GATAD2B: variants seen among roughly 807,000 people sequenced by gnomAD.
The protein encoded by GATAD2B is transcriptional repressor p66-beta.
GATAD2B carries 8 observed loss-of-function variants against 64.3 expected under a neutral mutation model. That is an observed-to-expected ratio of 0.12 (90% CI 0.07 to 0.22). GATAD2B has a LOEUF of 0.22. Ranked by LOEUF, GATAD2B falls within the 10% of genes least tolerant of loss-of-function variation. The probability of loss-of-function intolerance (pLI) is 1.00; values close to 1 mark genes in which losing one functional copy is unlikely to be tolerated. For missense variants in GATAD2B, 453 were observed against 752.0 expected, an observed-to-expected ratio of 0.60 and a Z score of 4.65; for synonymous variants, 281 against 271.3, an observed-to-expected ratio of 1.04 and a Z score of -0.35.
intron 1 of GATAD2B, among the ~76,000 whole-genome samples, chr1:153,883,542 C>A (rs984230433): frequency 6.6e-6 from 1 of 152,154 alleles, no homozygotes; most frequent in African/African-American, 2.4e-5. Flanking sequence ...TAGATTATTT[C>A]TTCTCATTCA....
At chr1:153,881,637 T>C (rs1208611819) in intron 1 of GATAD2B, among the ~76,000 whole-genome samples, 2 of 152,012 alleles carry the variant, frequency 1.3e-5, no homozygotes, top group African/African-American at 4.8e-5. Context: ...AAAATAAGGA[T>C]TGGGGAGGGC....
At chr1:153,896,073 T>A (rs2101955045) in intron 1 of GATAD2B, among the ~76,000 whole-genome samples, 1 of 151,202 alleles carries the variant, frequency 6.6e-6, no homozygotes, top group South Asian at 2.1e-4. Context: ...AGTGGGAGGA[T>A]CACTTGAGCC....
intron 1 of GATAD2B, among the ~76,000 whole-genome samples, chr1:153,851,286 ATTTTG>A (rs1263718153): frequency 6.6e-6 from 1 of 152,116 alleles, no homozygotes; most frequent in East Asian, 1.9e-4. Context: ...TCCTGATTTT[ATTTTG>A]GATAAATATC....
intron 1 of GATAD2B, among the ~76,000 whole-genome samples, chr1:153,844,994 C>G (rs1040451560): frequency 6.6e-6 from 1 of 151,424 alleles, no homozygotes; most frequent in Non-Finnish European, 1.5e-5. Flanking sequence ...CAGAAGAAAT[C>G]TATTTACCCA....
chr1:153,830,170 T>G (rs1675024425), intron 1 of GATAD2B, among the ~76,000 whole-genome samples: 1 of 152,168 alleles, frequency 6.6e-6, no homozygotes, highest in Non-Finnish European at 1.5e-5. Context: ...TTATTTGAGA[T>G]GGACTCTTGT....
intron 1 of GATAD2B, chr1:153,853,182 G>C: frequency 8.1e-7 from 1 of 1,231,862 alleles, no homozygotes; most frequent in Non-Finnish European, 1.2e-6. Flanking sequence ...ATTGGCAACT[G>C]CAATTTGCAG....
At chr1:153,859,306 G>A (rs1323691279) in intron 1 of GATAD2B, among the ~76,000 whole-genome samples, 1 of 151,516 alleles carries the variant, frequency 6.6e-6, no homozygotes, top group African/African-American at 2.4e-5. Context: ...GATCTAGTCT[G>A]TAGTGAGCCA....
At chr1:153,863,360 G>A (rs1676376347) in intron 1 of GATAD2B, among the ~76,000 whole-genome samples, 1 of 151,868 alleles carries the variant, frequency 6.6e-6, no homozygotes, top group Non-Finnish European at 1.5e-5. Context: ...GCTGGGCGTG[G>A]TGGTGCATGC....
rs1570928077 is a variant in GATAD2B at position 153,817,166 on chromosome 1, A to G, written c.900+206T>C. 2.0e-5 allele frequency among the ~76,000 whole-genome samples: 3 copies of G among 152,342 alleles called. No individual in the cohort carries two copies. The South Asian group carries it at 6.2e-4, about 32-fold the overall frequency. ...TTTTAGCTTACTGCTGCTCTGCTGT[A>G]TAACCTCTCTCCTCCACTACTATTT... On this transcript the variant is annotated intron_variant, in intron 6 of 10. Coordinates refer to ENST00000368655, the MANE Select transcript of GATAD2B (RefSeq NM_020699.4).
chr1:153,914,395 A>C (rs1432113291), intron 1 of GATAD2B, among the ~76,000 whole-genome samples: 1 of 152,192 alleles, frequency 6.6e-6, no homozygotes. Context: ...GCAGTTACTG[A>C]TTCTCATTTC....
intron 1 of GATAD2B, among the ~76,000 whole-genome samples, chr1:153,913,447 T>C (rs1278260586): frequency 6.6e-6 from 1 of 152,136 alleles, no homozygotes; most frequent in Non-Finnish European, 1.5e-5. Context: ...TTAACAAAAT[T>C]GAAACCTTAC....
intron 1 of GATAD2B, among the ~76,000 whole-genome samples, chr1:153,904,721 T>TAGA (rs1677874425): frequency 6.6e-6 from 1 of 151,898 alleles, no homozygotes; most frequent in Non-Finnish European, 1.5e-5. Flanking sequence ...TTTTTTTTTT[T>TAGA]CTCAGACAGA....
At chr1:153,812,394 T>A in intron 8 of GATAD2B, 1 of 385,590 alleles carries the variant, frequency 2.6e-6, no homozygotes. Flanking sequence ...GGCTAGTTGG[T>A]GGAATATGGA....
At chr1:153,834,332 T>C (rs1350222809) in intron 1 of GATAD2B, among the ~76,000 whole-genome samples, 1 of 151,318 alleles carries the variant, frequency 6.6e-6, no homozygotes, top group Non-Finnish European at 1.5e-5. Flanking sequence ...AATAAAAATT[T>C]AAAAAACCTC....
chr1:153,834,167 TA>T (rs1369570965), intron 1 of GATAD2B, among the ~76,000 whole-genome samples: 1 of 150,996 alleles, frequency 6.6e-6, no homozygotes, highest in African/African-American at 2.4e-5. Flanking sequence ...CACGCCCAGC[TA>T]ATTTTTTGTA....
At position 153,817,526 on chromosome 1, in the gene GATAD2B, C is replaced by T. The variant is rs753996094; in HGVS notation, c.746G>A (p.Arg249His). Residue 249 changes from arginine (R) to histidine (H), a missense_variant, in exon 6 of 11, where the codon CGT becomes CAT. This residue lies in a region of GATAD2B where 293 missense variants were observed against 417.2 expected (regional missense o/e 0.70). Transcript: ENST00000368655. ...LRTLQGHSVI[R>H]SATNTTLPHM... The stretch of plus-strand genomic sequence containing the variant: ...TGGAAGGGTGGTATTGGTAGCTGAA[C>T]GGATGACACTGTGACCCTGGAGGGG... 4.4e-6 allele frequency: 7 copies of T among 1,602,122 alleles called. No homozygotes were observed. Among genetic ancestry groups the T allele is most frequent in the South Asian group, 1.1e-5 (1 of 88,952 alleles).
chr1:153,908,364 A>T (rs546755837), intron 1 of GATAD2B, among the ~76,000 whole-genome samples: 1 of 152,322 alleles, frequency 6.6e-6, no homozygotes, highest in African/African-American at 2.4e-5. Context: ...AAACATAACT[A>T]ACATTTACTG....
chr1:153,805,427 T>G lies in GATAD2B; in HGVS notation c.*4750A>C, dbSNP rs1194957966. 1 of 152,152 alleles carries G rather than the reference T, an allele frequency of 6.6e-6. No homozygotes were observed. Among genetic ancestry groups the G allele is most frequent in the East Asian group, 1.9e-4 (1 of 5,192 alleles). The allele number at this position is 152,152 out of a possible 1,614,324, so 9.4% of individuals were successfully genotyped here. On this transcript the variant is annotated 3_prime_UTR_variant, in exon 11 of 11. Coordinates refer to ENST00000368655, the MANE Select transcript of GATAD2B (RefSeq NM_020699.4). ...CCCTTAAGGGCTCTGTGGTTGGCTG[T>G]GAGATGGGGCTTGAGGCCTAGTCCC...
At chr1:153,826,675 C>T (rs375076318) in intron 2 of GATAD2B, among the ~76,000 whole-genome samples, 1 of 151,914 alleles carries the variant, frequency 6.6e-6, no homozygotes, top group East Asian at 2.0e-4. Flanking sequence ...TGTGGTGGCT[C>T]ACAACAGTAG....
Sources: allele counts gnomAD v4.1 joint callset (sites outside exome capture counted in the v4.1 genomes callset), GRCh38; gene constraint gnomAD v4.1.1; regional missense constraint gnomAD v4.1.1; transcripts MANE v1.5; gene names NCBI Gene and HGNC (gene_info 2026-07-23, HGNC 2026-07-21).